The following UBQLN1 variants were observed in gnomAD, a reference collection of about 807,000 sequenced individuals.
UBQLN1 encodes ubiquilin-1.
UBQLN1 carries 13 observed loss-of-function variants against 65.4 expected under a neutral mutation model. The ratio of observed to expected loss-of-function variants is 0.20; its 90% CI spans 0.13 to 0.32. The LOEUF is 0.32. Among genes scored for constraint, UBQLN1 ranks in the 10% least tolerant of loss-of-function variants. The pLI, the probability that UBQLN1 is intolerant of heterozygous loss-of-function variation, is 1.00. For missense variants in UBQLN1, 561 were observed against 724.0 expected (o/e 0.77, Z 2.58); for synonymous variants, 267 against 247.8 (o/e 1.08, Z -0.73).
At chr9:83,671,551 C>A (rs1831731010) in intron 6 of UBQLN1, among the ~76,000 whole-genome samples, 1 of 152,154 alleles carries the variant, frequency 6.6e-6, no homozygotes, top group Non-Finnish European at 1.5e-5. Context: ...ACTACATGCA[C>A]TGTCAATGAG....
At chr9:83,688,680 G>A (rs1022261765) in intron 1 of UBQLN1, among the ~76,000 whole-genome samples, 1 of 151,810 alleles carries the variant, frequency 6.6e-6, no homozygotes, top group Non-Finnish European at 1.5e-5. Flanking sequence ...GGCCAACATG[G>A]TGAAACCCCG....
intron 7 of UBQLN1, chr9:83,667,249 C>T (rs1038728961): frequency 1.3e-5 from 2 of 152,358 alleles, no homozygotes; most frequent in African/African-American, 4.8e-5. Context: ...GGAGCATAAC[C>T]AGAGCTAATA....
chr9:83,664,967 ATCT>A, intron 9 of UBQLN1, 60 bp downstream of exon 9: 1 of 1,211,572 alleles, frequency 8.3e-7, no homozygotes, highest in Non-Finnish European at 1.2e-6. Flanking sequence ...ATAATACTAA[ATCT>A]GAAATTCTCA....
At position 83,696,645 on chromosome 9, in the gene UBQLN1, G is replaced by GA. The variant is rs11312351; in HGVS notation, c.181-10491dup. ...TAGAACAAGATTCTGTCTAAAAAAG[G>GA]AAAAAAAAAAAAATCCCAACTAGGT... On this transcript the variant is annotated intron_variant, in intron 1 of 10. Coordinates refer to ENST00000376395, the MANE Select transcript of UBQLN1 (RefSeq NM_013438.5). 1.6e-3 allele frequency among the ~76,000 whole-genome samples: 231 copies of GA among 147,756 alleles called. 2 individuals are homozygous for GA. Among genetic ancestry groups the GA allele is most frequent in the South Asian group, 7.7e-3 (36 of 4,700 alleles).
chr9:83,702,991 C>G (rs192558754), intron 1 of UBQLN1, among the ~76,000 whole-genome samples: 37 of 152,256 alleles, frequency 2.4e-4, no homozygotes, highest in African/African-American at 8.7e-4. Flanking sequence ...CATAACCTAA[C>G]AGTCTATGAA....
In UBQLN1 at chr9:83,668,719, A is replaced by G. The variant is rs867796342; in HGVS notation, c.1248+466T>C. The stretch of plus-strand genomic sequence containing the variant: ...GGGAATCAATAGTTGAAAGAAGGAG[A>G]ACATTGTTCTGACAAATTCCCGTCT... On this transcript the variant is annotated intron_variant, in intron 7 of 10. Coordinates refer to ENST00000376395, the MANE Select transcript of UBQLN1 (RefSeq NM_013438.5). 3.6e-5 allele frequency: 30 copies of G among 831,226 alleles called. No individual in the cohort carries two copies. In the African/African-American group the frequency reaches 4.8e-4, roughly 13 times the overall value. The allele number at this position is 831,226 out of a possible 1,614,324, so 51.5% of individuals were successfully genotyped here.
At chr9:83,691,910 C>A (rs1160104513) in intron 1 of UBQLN1, among the ~76,000 whole-genome samples, 4 of 152,210 alleles carry the variant, frequency 2.6e-5, no homozygotes, top group Non-Finnish European at 5.9e-5. Context: ...GAACTACAGA[C>A]AACTGCATAT....
chr9:83,673,580 A>AAAAAAAAAAC (rs1554727531), intron 6 of UBQLN1, among the ~76,000 whole-genome samples: 2 of 109,562 alleles, frequency 1.8e-5, no homozygotes, highest in African/African-American at 4.1e-5. Flanking sequence ...AAAAAAAAAA[A>AAAAAAAAAAC]CTGCGCTTAC....
In UBQLN1 at chr9:83,707,119, G is replaced by A. The variant is rs556181366; in HGVS notation, c.180+381C>T. 5.9e-5 allele frequency among the ~76,000 whole-genome samples: 9 copies of A among 152,238 alleles called. No homozygotes were observed. The East Asian group carries it at 1.5e-3, about 26-fold the overall frequency. ...AAACAAAACCGCAGCCTGAGCTAAA[G>A]CGAACCCTCGCCCCCGCCCAGCCTC... is the stretch of plus-strand genomic sequence containing the variant. On this transcript the variant is annotated intron_variant, in intron 1 of 10. Transcript: ENST00000376395.
chr9:83,691,928 A>G lies in UBQLN1; in HGVS notation c.181-5773T>C, dbSNP rs545139994. Reference sequence around the variant, plus strand: ...CTACAGACAACTGCATATGACTACCATTCATAATTCAGTTCTTATTTTAAA... The same window carrying G: ...CTACAGACAACTGCATATGACTACCGTTCATAATTCAGTTCTTATTTTAAA... On this transcript the variant is annotated intron_variant, in intron 1 of 10. Coordinates refer to ENST00000376395, the MANE Select transcript of UBQLN1 (RefSeq NM_013438.5). Among the ~76,000 whole-genome samples, 30 of 152,338 alleles carry G rather than the reference A, an allele frequency of 2.0e-4. No individual in the cohort carries two copies. The East Asian group carries it at 5.6e-3, about 28-fold the overall frequency.
intron 3 of UBQLN1, among the ~76,000 whole-genome samples, chr9:83,681,514 A>G (rs577091419): frequency 6.6e-6 from 1 of 152,338 alleles, no homozygotes; most frequent in Admixed American, 6.5e-5. Flanking sequence ...TTTCAGAAGA[A>G]GAGATAACAC....
chr9:83,673,719 T>C (rs1487017754), intron 6 of UBQLN1, among the ~76,000 whole-genome samples: 1 of 152,174 alleles, frequency 6.6e-6, no homozygotes, highest in Non-Finnish European at 1.5e-5. Context: ...TTCTCACTTA[T>C]TGTCTATGGG....
chr9:83,702,692 CTT>C (rs1406379734), intron 1 of UBQLN1, among the ~76,000 whole-genome samples: 1 of 152,102 alleles, frequency 6.6e-6, no homozygotes, highest in Non-Finnish European at 1.5e-5. Context: ...AAATTTTACA[CTT>C]AACACATCTC....
chr9:83,663,837 T>C (rs368582363), intron 10 of UBQLN1, 38 bp downstream of exon 10: 1 of 1,583,410 alleles, frequency 6.3e-7, no homozygotes, highest in Non-Finnish European at 8.6e-7. Context: ...ATTTCCAACA[T>C]TAAGGAATAC....
intron 6 of UBQLN1, 117 bp from the exon 7 acceptor site, chr9:83,669,444 T>C (rs1831696504): frequency 1.0e-6 from 1 of 954,710 alleles, no homozygotes; most frequent in East Asian, 2.9e-5. Context: ...ATTATACATA[T>C]TATGTATCAA....
intron 1 of UBQLN1, among the ~76,000 whole-genome samples, chr9:83,704,966 T>A (rs962815704): frequency 1.3e-5 from 2 of 152,198 alleles, no homozygotes; most frequent in African/African-American, 4.8e-5. Context: ...AAGGAATTTT[T>A]CTATTTATAA....
intron 1 of UBQLN1, among the ~76,000 whole-genome samples, chr9:83,688,146 G>T (rs532742225): frequency 6.6e-6 from 1 of 152,286 alleles, no homozygotes; most frequent in South Asian, 2.1e-4. Flanking sequence ...AGAATTAAAC[G>T]AGAATGTATA....
At position 83,707,851 on chromosome 9, in the gene UBQLN1, C is replaced by CGGTGCAGGCTCT. The variant is rs1002962112; in HGVS notation, c.-184_-173dup. 444 of 985,676 alleles carry CGGTGCAGGCTCT rather than the reference C, an allele frequency of 4.5e-4. No individual in the cohort carries two copies. Among genetic ancestry groups the CGGTGCAGGCTCT allele is most frequent in the Non-Finnish European group, 5.6e-4 (397 of 711,396 alleles). 61.1% of individuals were successfully genotyped at this position (985,676 alleles called of 1,614,324 possible). On this transcript the variant is annotated 5_prime_UTR_variant, in exon 1 of 11. Transcript: ENST00000376395. ...GTAGCGGGTGTGGGGCCCCGGAGCT[C>CGGTGCAGGCTCT]GGTGCAGGCTCTGGCGCAGGCCCGG... is the stretch of plus-strand genomic sequence containing the variant.
intron 8 of UBQLN1, chr9:83,665,487 C>G: frequency 5.2e-6 from 1 of 190,564 alleles, no homozygotes; most frequent in Non-Finnish European, 1.1e-5. Flanking sequence ...ATTCTTACGA[C>G]GTGGATATGG....
Sources: allele counts gnomAD v4.1 joint callset (sites outside exome capture counted in the v4.1 genomes callset), GRCh38; gene constraint gnomAD v4.1.1; transcripts MANE v1.5; gene names NCBI Gene and HGNC (gene_info 2026-07-23, HGNC 2026-07-21).